Variants in MTUS2 observed in about 807,000 individuals in gnomAD.
The protein encoded by MTUS2 is microtubule-associated tumor suppressor candidate 2.
A neutral mutation model predicts 114.1 loss-of-function variants in MTUS2; 40 were observed. The observed-to-expected ratio is 0.35, with a 90% confidence interval of 0.27 to 0.46. MTUS2 has a LOEUF of 0.46. Ranked by LOEUF, MTUS2 falls within the 20% of genes least tolerant of loss-of-function variation. MTUS2 has a pLI of 1.00. For synonymous variants in MTUS2, 688 were observed against 672.0 expected (o/e 1.02, Z -0.37); for missense variants, 1,679 against 1,705.4 (o/e 0.98, Z 0.27).
chr13:29,123,702 G>C (rs770852457), intron 5 of MTUS2, among the ~76,000 whole-genome samples: 2 of 152,052 alleles, frequency 1.3e-5, no homozygotes, highest in African/African-American at 4.8e-5. Context: ...AGTGAGAGTC[G>C]TCTCAAAACA....
chr13:28,889,524 C>G (rs2137906442), intron 2 of MTUS2, among the ~76,000 whole-genome samples: 1 of 152,264 alleles, frequency 6.6e-6, no homozygotes, highest in Admixed American at 6.5e-5. Context: ...GTGCACTGAG[C>G]ATGGGTGTGT....
chr13:29,376,880 A>G (rs1044410389), intron 8 of MTUS2, among the ~76,000 whole-genome samples: 4 of 152,216 alleles, frequency 2.6e-5, no homozygotes, highest in Non-Finnish European at 5.9e-5. Context: ...TGTCAACAAG[A>G]AACTGGCTTC....
Position 29,492,733 on chromosome 13 carries a change from T to C in MTUS2, c.3579+14T>C. The C allele has an allele frequency of 6.9e-6, 11 of 1,596,666 alleles. No homozygotes were observed. Among genetic ancestry groups the C allele is most frequent in the East Asian group, 2.2e-5 (1 of 44,792 alleles). ...CTGTCATTGCAGGTTAGTATTTCTT[T>C]AATTTTCTTACCTGGTATCGAGATA... On this transcript the variant is annotated intron_variant, in intron 12 of 15. Coordinates refer to ENST00000612955, the MANE Select transcript of MTUS2 (RefSeq NM_001033602.4).
chr13:29,473,156 A>G (rs1200044313), intron 9 of MTUS2, among the ~76,000 whole-genome samples: 2 of 152,094 alleles, frequency 1.3e-5, no homozygotes, highest in African/African-American at 4.8e-5. Flanking sequence ...TAACATGTAT[A>G]TATATTATAT....
chr13:29,010,210 C>CA (rs71658973), intron 2 of MTUS2, among the ~76,000 whole-genome samples: 61,891 of 116,094 alleles, frequency 0.53, 14,855 homozygotes, highest in South Asian at 0.73. Context: ...GACTCCGTCT[C>CA]AAAAAAAAAA....
intron 9 of MTUS2, among the ~76,000 whole-genome samples, chr13:29,446,701 C>T (rs908180854): frequency 3.9e-5 from 6 of 152,200 alleles, no homozygotes; most frequent in East Asian, 1.9e-4. Flanking sequence ...TAATGCAAAA[C>T]GTGTTGGATA....
chr13:29,117,639 A>G (rs1891143651), intron 5 of MTUS2, among the ~76,000 whole-genome samples: 1 of 152,178 alleles, frequency 6.6e-6, no homozygotes, highest in South Asian at 2.1e-4. Flanking sequence ...GCGGCCACCC[A>G]AGGATCTCCC....
In MTUS2 at chr13:29,106,795, A is replaced by G. The variant is rs540253862; in HGVS notation, c.2644+5825A>G. ...TGGCAGTGCTTTCTAATCCACAAGCACATGGTCCTTGGTAATTTTCCCTTT... is the reference window on the plus strand; with the variant it reads ...TGGCAGTGCTTTCTAATCCACAAGCGCATGGTCCTTGGTAATTTTCCCTTT... On this transcript the variant is annotated intron_variant, in intron 5 of 15. Transcript: ENST00000612955. 2.6e-5 allele frequency among the ~76,000 whole-genome samples: 4 copies of G among 152,202 alleles called. No individual in the cohort carries two copies. The East Asian group carries it at 7.7e-4, about 29-fold the overall frequency.
At chr13:29,266,399 AGAGATT>A (rs1897668335) in intron 5 of MTUS2, among the ~76,000 whole-genome samples, 2 of 152,218 alleles carry the variant, frequency 1.3e-5, no homozygotes, top group African/African-American at 4.8e-5. Flanking sequence ...TATCAAACCC[AGAGATT>A]AATGCTTACA....
chr13:28,882,925 A>C (rs1878377760), intron 2 of MTUS2, among the ~76,000 whole-genome samples: 1 of 152,216 alleles, frequency 6.6e-6, no homozygotes, highest in African/African-American at 2.4e-5. Context: ...CAGTATCTAG[A>C]ATATATAAAG....
chr13:28,946,286 TG>T (rs1449635365), intron 2 of MTUS2, among the ~76,000 whole-genome samples: 1 of 151,706 alleles, frequency 6.6e-6, no homozygotes, highest in Non-Finnish European at 1.5e-5. Flanking sequence ...TGTGTGTGTG[TG>T]TGTGTGTGTG....
chr13:29,482,611 C>G (rs1047842509), intron 10 of MTUS2, among the ~76,000 whole-genome samples: 15 of 152,194 alleles, frequency 9.9e-5, no homozygotes, highest in Non-Finnish European at 1.9e-4. Context: ...GCAAGAGATA[C>G]TAAGATTTAT....
At chr13:29,054,551 G>C (rs1246998042) in intron 4 of MTUS2, among the ~76,000 whole-genome samples, 1 of 151,996 alleles carries the variant, frequency 6.6e-6, no homozygotes, top group Non-Finnish European at 1.5e-5. Context: ...GGTACAGAAC[G>C]TCAGTTTTGC....
chr13:29,467,381 A>C (rs1460588127), intron 9 of MTUS2, among the ~76,000 whole-genome samples: 1 of 152,212 alleles, frequency 6.6e-6, no homozygotes, highest in Non-Finnish European at 1.5e-5. Context: ...CAGGAAAAAA[A>C]GAATTAAAAC....
chr13:29,379,674 A>G (rs1434464237), intron 8 of MTUS2, among the ~76,000 whole-genome samples: 2 of 152,212 alleles, frequency 1.3e-5, no homozygotes, highest in East Asian at 3.9e-4. Flanking sequence ...CTCTCAAGCA[A>G]GGAATCCACT....
At chr13:29,305,521 A>G (rs567337404) in intron 6 of MTUS2, among the ~76,000 whole-genome samples, 35 of 152,218 alleles carry the variant, frequency 2.3e-4, no homozygotes, top group Non-Finnish European at 4.0e-4. Flanking sequence ...CGAGGCACAT[A>G]AACTAGAAAA....
Position 28,942,481 on chromosome 13 carries a change from T to C in MTUS2, c.-242-81976T>C, listed in dbSNP as rs544193953. Among the ~76,000 whole-genome samples, 9 of 152,346 alleles carry C rather than the reference T, an allele frequency of 5.9e-5. No homozygotes were observed. In the South Asian group the frequency reaches 1.7e-3, roughly 28 times the overall value. On this transcript the variant is annotated intron_variant, in intron 2 of 15. Coordinates refer to ENST00000612955, the MANE Select transcript of MTUS2 (RefSeq NM_001033602.4). ...TTTTTAGGAATATAACTAACAAATA[T>C]GGCACATATTAGCATCAAAAGACAT...
chr13:29,485,029 G>C (rs1028588691), intron 10 of MTUS2: 8 of 152,458 alleles, frequency 5.2e-5, no homozygotes, highest in African/African-American at 1.9e-4. Context: ...GCCCAGCCCA[G>C]AACTCTGTCT....
At chr13:29,295,341 T>C (rs534336065) in intron 6 of MTUS2, among the ~76,000 whole-genome samples, 11 of 152,320 alleles carry the variant, frequency 7.2e-5, no homozygotes, top group African/African-American at 2.4e-4. Flanking sequence ...AGTCATCTTA[T>C]AGTGCCATAG....
Sources: gnomAD v4.1 joint callset for allele counts (sites outside exome capture counted in the v4.1 genomes callset) on GRCh38, gnomAD v4.1.1 for gene constraint, MANE v1.5 for transcripts, NCBI Gene and HGNC (gene_info 2026-07-23, HGNC 2026-07-21) for gene names.